Variants in LMF1 observed in about 807,000 individuals in gnomAD.
LMF1 encodes the protein transmembrane protein 112.
In LMF1, 68 loss-of-function variants were observed where a neutral mutation model predicts 60.6. The ratio of observed to expected loss-of-function variants is 1.12; its 90% CI spans 0.92 to 1.37. LMF1 has a LOEUF of 1.37. LMF1 is among the 40% of genes most tolerant of loss of function. LMF1 has a pLI of 0.00. For missense variants in LMF1, 948 were observed against 767.2 expected (o/e 1.24, Z -2.78); for synonymous variants, 418 against 324.7 (o/e 1.29, Z -3.09).
chr16:951,224 T>C (rs202061091), intron 2 of LMF1, among the ~76,000 whole-genome samples: 6 of 49,118 alleles, frequency 1.2e-4, no homozygotes, highest in South Asian at 1.1e-3. Context: ...CAGAGTCAGC[T>C]GACAGAGTCA....
At chr16:923,253 C>T (rs572324270) in intron 3 of LMF1, among the ~76,000 whole-genome samples, 40 of 152,250 alleles carry the variant, frequency 2.6e-4, no homozygotes, top group Admixed American at 1.1e-3. Flanking sequence ...GAGTGTGGGG[C>T]GGATGTGGCA....
chr16:856,389 C>G (rs369072515), intron 10 of LMF1, among the ~76,000 whole-genome samples: 77 of 152,316 alleles, frequency 5.1e-4, no homozygotes, highest in African/African-American at 1.7e-3. Context: ...GCCGTGAGGG[C>G]GCTGGGCTGT....
At chr16:863,811 T>C (rs2069537091) in intron 10 of LMF1, among the ~76,000 whole-genome samples, 1 of 152,240 alleles carries the variant, frequency 6.6e-6, no homozygotes, top group African/African-American at 2.4e-5. Context: ...GTCAGATTAT[T>C]GATTTGAGAT....
intron 3 of LMF1, among the ~76,000 whole-genome samples, chr16:922,357 A>G (rs1597000202): frequency 6.6e-6 from 1 of 152,208 alleles, no homozygotes; most frequent in African/African-American, 2.4e-5. Context: ...GCCCACAGCG[A>G]CTGGTAGCCA....
chr16:949,675 G>T (rs1260923829), intron 2 of LMF1, among the ~76,000 whole-genome samples: 1 of 104,650 alleles, frequency 9.6e-6, no homozygotes, highest in Non-Finnish European at 1.8e-5. Context: ...GACAGAGTCA[G>T]CCAATGACAG....
intron 10 of LMF1, among the ~76,000 whole-genome samples, chr16:865,771 G>A (rs55962514): frequency 0.016 from 2,461 of 152,246 alleles, 75 homozygotes; most frequent in African/African-American, 0.056. Flanking sequence ...GGACTCTGAT[G>A]ACATGAATTC....
At chr16:861,943 G>A (rs2069478733) in intron 10 of LMF1, among the ~76,000 whole-genome samples, 1 of 152,192 alleles carries the variant, frequency 6.6e-6, no homozygotes, top group Admixed American at 6.5e-5. Context: ...TCCAGCGGAG[G>A]AAGTTCCTCT....
intron 2 of LMF1, among the ~76,000 whole-genome samples, chr16:948,966 CAG>C (rs1167172609): frequency 2.0e-5 from 2 of 99,078 alleles, no homozygotes; most frequent in African/African-American, 1.2e-4. Flanking sequence ...GAGCCAACGA[CAG>C]AGTCAGTCAA....
At position 876,531 on chromosome 16, in the gene LMF1, C is replaced by T. The variant is rs73497220; in HGVS notation, c.897+3039G>A. On this transcript the variant is annotated intron_variant, in intron 6 of 10. Transcript: ENST00000262301. ...GTCCTGGCCGATGCAAGACGCTGAG[C>T]GCAGGGAAACTGGGAGGGGGGGATA... 5.3e-3 allele frequency among the ~76,000 whole-genome samples: 801 copies of T among 152,228 alleles called. 9 individuals are homozygous for T. The highest frequency in any genetic ancestry group is 0.018 in the African/African-American group (760 of 41,526).
chr16:871,842 C>T (rs930889936), intron 6 of LMF1: 8 of 155,394 alleles, frequency 5.1e-5, no homozygotes, highest in African/African-American at 1.4e-4. Context: ...ATACGAAATG[C>T]AAGGAAGTGA....
intron 2 of LMF1, among the ~76,000 whole-genome samples, chr16:950,379 T>C (rs1597058238): frequency 9.0e-6 from 1 of 111,324 alleles, no homozygotes; most frequent in Non-Finnish European, 1.7e-5. Context: ...AACGACAGAG[T>C]CAGCCAATGA....
In LMF1 at chr16:954,627, A is replaced by G. The variant is rs759535337; in HGVS notation, c.233T>C (p.Leu78Pro). Residue 78 changes from leucine (L) to proline (P), a missense_variant, in exon 2 of 11, where the codon CTC (leucine) becomes CCC (proline). Leu to Pro is a moderately conservative substitution (Grantham distance 98, BLOSUM62 -3). Coordinates refer to ENST00000262301, the MANE Select transcript of LMF1 (RefSeq NM_022773.4). ...GGGAAGCAGCCCCCTGTCACCGATG[A>G]GCTGCTTGTTCTGATGGAAAGCCAC... is the stretch of plus-strand genomic sequence containing the variant. ...FLVAFHQNKQLIGDRGLLPCR... is the reference protein window; with the variant it reads ...FLVAFHQNKQPIGDRGLLPCR... 4 of 1,608,280 alleles carry G rather than the reference A, an allele frequency of 2.5e-6. No homozygotes were observed. The Admixed American group carries it at 6.7e-5, about 27-fold the overall frequency.
chr16:934,116 C>T (rs771495413), intron 3 of LMF1, 128 bp downstream of exon 3: 7 of 1,562,506 alleles, frequency 4.5e-6, no homozygotes, highest in Non-Finnish European at 5.2e-6. Context: ...CACTGCCCTC[C>T]GTGCATACTG....
rs541474545 is a variant in LMF1 at position 879,287 on chromosome 16, A to G, written c.897+283T>C. On this transcript the variant is annotated intron_variant, in intron 6 of 10. Transcript: ENST00000262301. ...GGCCTTGGCGTGCTGACCCCGTCCCACTGCCGAGCCCAGGACATGGCCGGG... is the reference window on the plus strand; with the variant it reads ...GGCCTTGGCGTGCTGACCCCGTCCCGCTGCCGAGCCCAGGACATGGCCGGG... 5.9e-5 allele frequency among the ~76,000 whole-genome samples: 9 copies of G among 152,292 alleles called. 1 individual carries two copies. Among genetic ancestry groups the G allele is most frequent in the African/African-American group, 1.9e-4 (8 of 41,560 alleles).
chr16:914,649 T>TTTC (rs202057081), intron 3 of LMF1, among the ~76,000 whole-genome samples: 1 of 23,724 alleles, frequency 4.2e-5, no homozygotes, highest in African/African-American at 1.5e-4. Flanking sequence ...CCCTCCCTCC[T>TTTC]CATGACCATT....
At chr16:908,093 C>A (rs1401252425) in intron 4 of LMF1, among the ~76,000 whole-genome samples, 3 of 152,186 alleles carry the variant, frequency 2.0e-5, no homozygotes, top group Non-Finnish European at 4.4e-5. Context: ...GGCTGCTGTC[C>A]ACAGAGTCCT....
At position 954,646 on chromosome 16, in the gene LMF1, A is replaced by G. The variant is rs1490533263; in HGVS notation, c.214T>C (p.Phe72Leu). The part of the protein sequence containing the change: ...FVYFVAFLVA[F>L]HQNKQLIGDR... ...CCGATGAGCTGCTTGTTCTGATGGAAAGCCACCAGGAATGCCACGACTGGA... is the reference window on the plus strand; with the variant it reads ...CCGATGAGCTGCTTGTTCTGATGGAGAGCCACCAGGAATGCCACGACTGGA... The change falls in exon 2 of 11, where the codon TTC (phenylalanine) becomes CTC (leucine). Residue 72 changes from phenylalanine to leucine, a missense_variant. By Grantham distance (22) the Phe-to-Leu change is conservative. Transcript: ENST00000262301. The G allele has an allele frequency of 6.2e-7, 1 of 1,600,880 alleles. No homozygotes were observed. The highest frequency in any genetic ancestry group is 1.1e-5 in the South Asian group (1 of 90,264).
At position 870,134 on chromosome 16, in the gene LMF1, G is replaced by T. The variant is rs111946394; in HGVS notation, c.1233-68C>A. On this transcript the variant is annotated intron_variant, in intron 8 of 10. Transcript: ENST00000262301. Reference sequence around the variant, plus strand: ...GCTGGGCCGAGTGGGGTGCATGGGTGGGGGGGGTTCCCCGACTGTCCATCC... The same window carrying T: ...GCTGGGCCGAGTGGGGTGCATGGGTTGGGGGGGTTCCCCGACTGTCCATCC... 1.5e-3 allele frequency: 2,163 copies of T among 1,486,078 alleles called. 17 individuals carry two copies. The African/African-American group carries it at 0.021, about 15-fold the overall frequency. 92.1% of individuals were successfully genotyped at this position (1,486,078 alleles called of 1,614,324 possible).
At chr16:967,702 G>A (rs763789109) in intron 1 of LMF1, among the ~76,000 whole-genome samples, 4 of 152,226 alleles carry the variant, frequency 2.6e-5, no homozygotes, top group African/African-American at 7.2e-5. Context: ...GAGCCGTCAC[G>A]GCCCGAGAAC....
Sources: gnomAD v4.1 joint callset for allele counts (sites outside exome capture counted in the v4.1 genomes callset) on GRCh38, gnomAD v4.1.1 for gene constraint, MANE v1.5 for transcripts, NCBI Gene and HGNC (gene_info 2026-07-23, HGNC 2026-07-21) for gene names.